The following BIRC6 variants were observed in gnomAD, a reference collection of about 807,000 sequenced individuals.
The protein encoded by BIRC6 is baculoviral IAP repeat containing 6, also known as dual E2 ubiquitin-conjugating enzyme/E3 ubiquitin-protein ligase BIRC6.
In BIRC6, 98 loss-of-function variants were observed where a neutral mutation model predicts 503.3. The ratio of observed to expected loss-of-function variants is 0.19; its 90% CI spans 0.17 to 0.23. The LOEUF is 0.23. BIRC6 is among the 10% of genes least tolerant of loss of function. BIRC6 has a pLI of 1.00. For missense variants in BIRC6, 5,360 were observed against 5,806.0 expected (o/e 0.92, Z 2.50); for synonymous variants, 2,240 against 2,078.7 (o/e 1.08, Z -2.11).
At chr2:32,580,829 AATAG>A (rs2060622462) in intron 66 of BIRC6, among the ~76,000 whole-genome samples, 1 of 152,164 alleles carries the variant, frequency 6.6e-6, no homozygotes, top group Admixed American at 6.5e-5. Flanking sequence ...TTATGGACTT[AATAG>A]ATAGTTAGTT....
intron 47 of BIRC6, among the ~76,000 whole-genome samples, chr2:32,502,590 A>G (rs2053325196): frequency 6.6e-6 from 1 of 152,210 alleles, no homozygotes; most frequent in African/African-American, 2.4e-5. Flanking sequence ...ATGAAGACAC[A>G]TGCTTTAAAA....
At chr2:32,427,619 G>A (rs1361338251) in intron 10 of BIRC6, among the ~76,000 whole-genome samples, 1 of 151,980 alleles carries the variant, frequency 6.6e-6, no homozygotes, top group Non-Finnish European at 1.5e-5. Flanking sequence ...TGTTTGTTGA[G>A]TCGTTTATAC....
intron 37 of BIRC6, 47 bp downstream of exon 37, chr2:32,479,664 A>G: frequency 1.4e-6 from 2 of 1,401,088 alleles, no homozygotes; most frequent in Middle Eastern, 1.8e-4. Context: ...AAATGGAAAC[A>G]TGTTTCAAAA....
intron 65 of BIRC6, among the ~76,000 whole-genome samples, chr2:32,571,892 T>C (rs1452516745): frequency 6.6e-6 from 1 of 152,152 alleles, no homozygotes; most frequent in Non-Finnish European, 1.5e-5. Context: ...TGCACTGCAT[T>C]TGCTATATCC....
chr2:32,505,075 A>G lies in BIRC6; in HGVS notation c.9570A>G (p.Arg3190=), dbSNP rs1558916234. 6.2e-7 allele frequency: 1 copy of G among 1,613,526 alleles called. No homozygotes were observed. The change falls in exon 50 of 74, where the codon AGA becomes AGG. Residue 3190 remains arginine, a synonymous_variant. Coordinates refer to ENST00000421745, the MANE Select transcript of BIRC6 (RefSeq NM_016252.4). ...EVLLQATPPH[R]RARSAAWSYI... ...TATTGCAGGCCACACCTCCTCACAGAAGAGCTCGCTCTGCTGCTTGGTCCT... is the reference window on the plus strand; with the variant it reads ...TATTGCAGGCCACACCTCCTCACAGGAGAGCTCGCTCTGCTGCTTGGTCCT...
In BIRC6 at chr2:32,554,688, C is replaced by T. The variant is rs183136263; in HGVS notation, c.13144+5207C>T. Among the ~76,000 whole-genome samples, 531 of 152,054 alleles carry T rather than the reference C, an allele frequency of 3.5e-3. 4 individuals are homozygous for T. The highest frequency in any genetic ancestry group is 0.012 in the African/African-American group (498 of 41,498). On this transcript the variant is annotated intron_variant, in intron 65 of 73. Coordinates refer to ENST00000421745, the MANE Select transcript of BIRC6 (RefSeq NM_016252.4). ...AACTATAATGTGTCAAAACCCATTA[C>T]TGCATTTTGATATACCATCTGATTT...
intron 65 of BIRC6, among the ~76,000 whole-genome samples, chr2:32,561,439 C>A (rs1399753191): frequency 6.6e-6 from 1 of 151,476 alleles, no homozygotes; most frequent in African/African-American, 2.4e-5. Flanking sequence ...TGGGTTTCAC[C>A]ATGTTAACCA....
intron 43 of BIRC6, among the ~76,000 whole-genome samples, chr2:32,490,904 T>C (rs2051624593): frequency 6.6e-6 from 1 of 152,190 alleles, no homozygotes; most frequent in Non-Finnish European, 1.5e-5. Context: ...TTTCCAAAAA[T>C]GAGATCAAAA....
chr2:32,482,348 T>C, intron 38 of BIRC6, 81 bp from the exon 39 acceptor site: 1 of 1,337,034 alleles, frequency 7.5e-7, no homozygotes, highest in East Asian at 2.4e-5. Flanking sequence ...TGTAGTTCTG[T>C]TTGGGTTTAG....
At chr2:32,544,282 T>G (rs1481211044) in intron 62 of BIRC6, among the ~76,000 whole-genome samples, 1 of 152,094 alleles carries the variant, frequency 6.6e-6, no homozygotes, top group Non-Finnish European at 1.5e-5. Flanking sequence ...ATGAATCTGG[T>G]AGCAATACTT....
intron 40 of BIRC6, among the ~76,000 whole-genome samples, chr2:32,486,270 T>C (rs1397910426): frequency 6.6e-6 from 1 of 152,200 alleles, no homozygotes; most frequent in African/African-American, 2.4e-5. Flanking sequence ...AAAGGACTAA[T>C]AGTAAATATT....
rs560128865 is a variant in BIRC6 at position 32,582,015 on chromosome 2, C to T, written c.13355+6649C>T. The stretch of plus-strand genomic sequence containing the variant: ...CTGGGATTAGAGGCCCTTACCACCA[C>T]ACCTGGCTAATTTTTGTATTTTTAG... On this transcript the variant is annotated intron_variant, in intron 66 of 73. Coordinates refer to ENST00000421745, the MANE Select transcript of BIRC6 (RefSeq NM_016252.4). 1.1e-4 allele frequency among the ~76,000 whole-genome samples: 17 copies of T among 152,214 alleles called. No individual in the cohort carries two copies. The East Asian group carries it at 3.3e-3, about 29-fold the overall frequency.
chr2:32,479,051 A>T (rs2050086353), intron 36 of BIRC6, among the ~76,000 whole-genome samples: 1 of 152,204 alleles, frequency 6.6e-6, no homozygotes, highest in African/African-American at 2.4e-5. Context: ...TTGGGTTGTT[A>T]AAGTGCATGA....
At chr2:32,485,455 T>C (rs1208830945) in intron 39 of BIRC6, among the ~76,000 whole-genome samples, 188 bp from the exon 40 acceptor site, 1 of 152,200 alleles carries the variant, frequency 6.6e-6, no homozygotes, top group Non-Finnish European at 1.5e-5. Flanking sequence ...ACCAATCGCC[T>C]GTCTCTACCC....
Position 32,462,777 on chromosome 2 carries a change from G to A in BIRC6, c.4754-417G>A, listed in dbSNP as rs551699090. On this transcript the variant is annotated intron_variant, in intron 23 of 73. Coordinates refer to ENST00000421745, the MANE Select transcript of BIRC6 (RefSeq NM_016252.4). ...TCCAGACCAGCCTGGCCAATATGGC[G>A]AGACCGCATCTCTACTAAACATACA... is the stretch of plus-strand genomic sequence containing the variant. Among the ~76,000 whole-genome samples the A allele has an allele frequency of 2.4e-4, 37 of 152,156 alleles. No individual in the cohort carries two copies. In the East Asian group the frequency reaches 5.4e-3, roughly 22 times the overall value.
intron 21 of BIRC6, 115 bp from the exon 22 acceptor site, chr2:32,448,680 G>C: frequency 1.3e-6 from 1 of 795,318 alleles, no homozygotes; most frequent in Non-Finnish European, 2.0e-6. Flanking sequence ...GAGGGGAGAG[G>C]GGAGAGGGAG....
chr2:32,445,642 A>G lies in BIRC6; in HGVS notation c.4458A>G (p.Thr1486=). ...AVSRQLQDRL[T]PMEALLQTRY... is the part of the protein sequence containing the mutation. ...CCAGACAGTTACAGGACAGGCTAAC[A>G]CCAATGGAGGCTTTACTTCAGACAA... Residue 1486 remains threonine, a synonymous_variant, in exon 21 of 74, where the codon ACA becomes ACG. Coordinates refer to ENST00000421745, the MANE Select transcript of BIRC6 (RefSeq NM_016252.4). 1 of 1,569,552 alleles carries G rather than the reference A, an allele frequency of 6.4e-7. No homozygotes were observed. The highest frequency in any genetic ancestry group is 1.2e-5 in the South Asian group (1 of 83,896).
chr2:32,608,221 A>G (rs547754956), intron 72 of BIRC6, among the ~76,000 whole-genome samples: 1 of 151,172 alleles, frequency 6.6e-6, no homozygotes, highest in South Asian at 2.2e-4. Flanking sequence ...TGAGCCCACG[A>G]GTTTGAGGCT....
chr2:32,439,053 C>T lies in BIRC6; in HGVS notation c.3632-455C>T, dbSNP rs568648604. ...CAAAGCCTGCATGCACATTTTTAACCGTCAGTACTATAATGCTATGTGTAT... is the reference window on the plus strand; with the variant it reads ...CAAAGCCTGCATGCACATTTTTAACTGTCAGTACTATAATGCTATGTGTAT... On this transcript the variant is annotated intron_variant, in intron 15 of 73. Coordinates refer to ENST00000421745, the MANE Select transcript of BIRC6 (RefSeq NM_016252.4). Among the ~76,000 whole-genome samples, 10 of 152,044 alleles carry T rather than the reference C, an allele frequency of 6.6e-5. No homozygotes were observed. The South Asian group carries it at 1.0e-3, about 16-fold the overall frequency.
Sources: gnomAD v4.1 joint callset for allele counts (sites outside exome capture counted in the v4.1 genomes callset) on GRCh38, gnomAD v4.1.1 for gene constraint, MANE v1.5 for transcripts, NCBI Gene and HGNC (gene_info 2026-07-23, HGNC 2026-07-21) for gene names.